The following CTNNA2 variants were observed in gnomAD, a reference collection of about 807,000 sequenced individuals.
The protein encoded by CTNNA2 is catenin alpha-2.
Under a neutral mutation model 101.0 loss-of-function variants are expected in CTNNA2, and 42 were observed. The observed-to-expected ratio is 0.42, with a 90% CI of 0.32 to 0.54. CTNNA2 has a LOEUF of 0.54. CTNNA2 is among the 20% of genes least tolerant of loss of function. The pLI is 0.14. For synonymous variants in CTNNA2, 450 were observed against 456.4 expected, an observed-to-expected ratio of 0.99 and a Z score of 0.18; for missense variants, 871 against 1,223.1, an observed-to-expected ratio of 0.71 and a Z score of 4.29.
At chr2:79,488,720 AG>A (rs1212178868) in intron 4 of CTNNA2, among the ~76,000 whole-genome samples, 2 of 152,138 alleles carry the variant, frequency 1.3e-5, no homozygotes, top group Non-Finnish European at 2.9e-5. Context: ...ATTTCTTGAA[AG>A]TATTTTTAAT....
At chr2:79,203,716 C>G (rs1441195536) in intron 2 of CTNNA2, among the ~76,000 whole-genome samples, 3 of 152,196 alleles carry the variant, frequency 2.0e-5, no homozygotes, top group Admixed American at 6.5e-5. Context: ...TTCAGGGCCG[C>G]CTTTTCTTTG....
intron 4 of CTNNA2, among the ~76,000 whole-genome samples, chr2:79,377,351 T>C (rs555609049): frequency 6.6e-6 from 1 of 152,316 alleles, no homozygotes; most frequent in South Asian, 2.1e-4. Context: ...ATCCATACTA[T>C]GCTGTACAAG....
chr2:79,919,182 G>A (rs916697958), intron 7 of CTNNA2, among the ~76,000 whole-genome samples: 22 of 152,054 alleles, frequency 1.4e-4, no homozygotes, highest in African/African-American at 4.6e-4. Flanking sequence ...TGTTCAGAGC[G>A]GTGCTGTTGG....
At chr2:80,387,207 T>C (rs1467009261) in intron 7 of CTNNA2, among the ~76,000 whole-genome samples, 1 of 152,044 alleles carries the variant, frequency 6.6e-6, no homozygotes, top group Non-Finnish European at 1.5e-5. Context: ...GAGAATGGCA[T>C]GAACCCGGGA....
rs191988353 is a variant in CTNNA2 at position 79,246,650 on chromosome 2, T to G, written c.-406+48574T>G. ...AAGTTATGGTTTCAGGTGATAATTG[T>G]GGTTCAGGCAGGTTTACATATCAGC... On this transcript the variant is annotated intron_variant, in intron 2 of 21. Coordinates refer to the CTNNA2 transcript ENST00000466387. Among the ~76,000 whole-genome samples, 20 of 152,330 alleles carry G rather than the reference T, an allele frequency of 1.3e-4. No individual in the cohort carries two copies. The East Asian group carries it at 3.7e-3, about 28-fold the overall frequency.
intron 7 of CTNNA2, among the ~76,000 whole-genome samples, chr2:80,117,273 C>G (rs1313539013): frequency 6.6e-6 from 1 of 152,092 alleles, no homozygotes; most frequent in Non-Finnish European, 1.5e-5. Context: ...GTTCTTTACT[C>G]TAATGGAGGA....
chr2:79,753,482 T>C (rs1198816854), intron 3 of CTNNA2, among the ~76,000 whole-genome samples: 3 of 152,230 alleles, frequency 2.0e-5, no homozygotes, highest in Non-Finnish European at 4.4e-5. Flanking sequence ...CCCGTTATTA[T>C]ATCTCCACAT....
At chr2:79,995,468 TACACAG>T (rs2103924307) in intron 7 of CTNNA2, among the ~76,000 whole-genome samples, 1 of 152,266 alleles carries the variant, frequency 6.6e-6, no homozygotes, top group African/African-American at 2.4e-5. Flanking sequence ...CCAGATTATC[TACACAG>T]AAGAATAAAA....
intron 7 of CTNNA2, among the ~76,000 whole-genome samples, chr2:79,940,585 G>A (rs1440033316): frequency 3.3e-5 from 5 of 152,142 alleles, no homozygotes. Flanking sequence ...AATCAGTCAG[G>A]ACCCAGGCAT....
intron 2 of CTNNA2, among the ~76,000 whole-genome samples, chr2:79,206,829 T>C (rs919798460): frequency 6.6e-6 from 1 of 152,224 alleles, no homozygotes; most frequent in Admixed American, 6.5e-5. Context: ...AAGAGCAGAA[T>C]CAATAAAATC....
At position 80,308,075 on chromosome 2, in the gene CTNNA2, G is replaced by T. The variant is rs539058275; in HGVS notation, c.1057-85136G>T. Reference sequence around the variant, plus strand: ...ATTAATTCCTTCTCTCTTCAACCTTGTAAATTAGCCTTTGCCTAATGAGCC... The same window carrying T: ...ATTAATTCCTTCTCTCTTCAACCTTTTAAATTAGCCTTTGCCTAATGAGCC... On this transcript the variant is annotated intron_variant, in intron 7 of 18. Transcript: ENST00000402739. Among the ~76,000 whole-genome samples the T allele has an allele frequency of 2.6e-5, 4 of 152,100 alleles. No homozygotes were observed. In the South Asian group the frequency reaches 8.4e-4, roughly 32 times the overall value.
At chr2:80,114,633 C>T (rs1701416785) in intron 7 of CTNNA2, among the ~76,000 whole-genome samples, 1 of 152,214 alleles carries the variant, frequency 6.6e-6, no homozygotes, top group Admixed American at 6.5e-5. Flanking sequence ...GGGAAGAGGG[C>T]ACTCACATAG....
intron 2 of CTNNA2, among the ~76,000 whole-genome samples, chr2:79,291,857 G>A (rs1675827115): frequency 6.6e-6 from 1 of 152,198 alleles, no homozygotes; most frequent in South Asian, 2.1e-4. Context: ...TTATTTACCT[G>A]TGCATTTCCA....
chr2:79,467,816 C>A (rs1057322367), intron 4 of CTNNA2, among the ~76,000 whole-genome samples: 4 of 152,164 alleles, frequency 2.6e-5, no homozygotes, highest in African/African-American at 9.7e-5. Context: ...CCTTTACAGA[C>A]AAGCAAATGC....
intron 7 of CTNNA2, among the ~76,000 whole-genome samples, chr2:80,323,251 G>T (rs1003481524): frequency 2.6e-5 from 4 of 152,214 alleles, no homozygotes; most frequent in Non-Finnish European, 5.9e-5. Flanking sequence ...AGAACTCCAA[G>T]CTTCTGATGT....
intron 2 of CTNNA2, among the ~76,000 whole-genome samples, chr2:79,722,745 G>A (rs1424226786): frequency 6.6e-6 from 1 of 152,198 alleles, no homozygotes; most frequent in Non-Finnish European, 1.5e-5. Context: ...TTGTTCACCT[G>A]AGTAGAGTCA....
intron 9 of CTNNA2, among the ~76,000 whole-genome samples, chr2:80,521,627 T>G (rs1445886094): frequency 1.3e-5 from 2 of 152,142 alleles, no homozygotes; most frequent in African/African-American, 4.8e-5. Context: ...CTAGCCGTTG[T>G]TAGTCTTGGA....
chr2:79,585,326 T>A (rs1461032804), intron 1 of CTNNA2, among the ~76,000 whole-genome samples: 5 of 152,052 alleles, frequency 3.3e-5, no homozygotes, highest in African/African-American at 1.2e-4. Flanking sequence ...TTTCTAATTG[T>A]CCTGTCTCTA....
chr2:79,265,445 T>C (rs1674975967), intron 2 of CTNNA2, among the ~76,000 whole-genome samples: 1 of 152,106 alleles, frequency 6.6e-6, no homozygotes, highest in African/African-American at 2.4e-5. Context: ...TCAGAGAATG[T>C]TGTGCCTGGA....
Sources: gnomAD v4.1 joint callset for allele counts (sites outside exome capture counted in the v4.1 genomes callset) on GRCh38, gnomAD v4.1.1 for gene constraint, MANE v1.5 for transcripts, NCBI Gene and HGNC (gene_info 2026-07-23, HGNC 2026-07-21) for gene names.